Variants in UHRF2 observed in about 807,000 individuals in gnomAD.
UHRF2 encodes the protein E3 ubiquitin-protein ligase UHRF2.
UHRF2 carries 23 observed loss-of-function variants against 96.8 expected under a neutral mutation model. The ratio of observed to expected loss-of-function variants is 0.24; its 90% confidence interval spans 0.17 to 0.34. The LOEUF (loss-of-function observed/expected upper bound fraction) is 0.34, where lower values mean the gene tolerates loss of function less well. UHRF2 is among the 10% of genes least tolerant of loss of function. UHRF2 has a pLI of 1.00. For missense variants in UHRF2, 685 were observed against 981.5 expected (o/e 0.70, Z 4.04); for synonymous variants, 385 against 332.6 (o/e 1.16, Z -1.72).
intron 8 of UHRF2, among the ~76,000 whole-genome samples, chr9:6,485,600 G>A (rs1019854362): frequency 6.7e-6 from 1 of 148,582 alleles, no homozygotes; most frequent in Non-Finnish European, 1.5e-5. Context: ...CTTCTAAAGT[G>A]CCTTTCCACC....
In UHRF2 at chr9:6,506,388, A is replaced by G. The variant is rs1320687695; in HGVS notation, c.*209A>G. 7.7e-6 allele frequency: 4 copies of G among 522,112 alleles called. No individual in the cohort carries two copies. Among genetic ancestry groups the G allele is most frequent in the East Asian group, 3.6e-5 (1 of 27,872 alleles). The allele number at this position is 522,112 out of a possible 1,614,324, so 32.3% of individuals were successfully genotyped here. ...ATATCTAAAGGTAGTTCCTGTAACAACTAGTTTTAATGAGTAAAAAGTCAA... is the reference window on the plus strand; with the variant it reads ...ATATCTAAAGGTAGTTCCTGTAACAGCTAGTTTTAATGAGTAAAAAGTCAA... On this transcript the variant is annotated 3_prime_UTR_variant, in exon 16 of 16. Coordinates refer to ENST00000276893, the MANE Select transcript of UHRF2 (RefSeq NM_152896.3).
At chr9:6,485,785 G>T (rs547310762) in intron 8 of UHRF2, among the ~76,000 whole-genome samples, 6 of 122,720 alleles carry the variant, frequency 4.9e-5, no homozygotes, top group African/African-American at 1.8e-4. Flanking sequence ...GCAACATGGT[G>T]AGACCCCTGT....
chr9:6,496,111 C>T (rs1004190724), intron 10 of UHRF2: 1 of 152,002 alleles, frequency 6.6e-6, no homozygotes, highest in Non-Finnish European at 1.5e-5. Context: ...TAATTATGGT[C>T]AAGACATTTC....
intron 2 of UHRF2, among the ~76,000 whole-genome samples, chr9:6,425,162 C>T (rs1198448565): frequency 6.6e-6 from 1 of 152,286 alleles, no homozygotes; most frequent in South Asian, 2.1e-4. Context: ...ACTTCACTGC[C>T]TTGAGGGCAG....
At chr9:6,491,697 G>C (rs1330880807) in intron 9 of UHRF2, among the ~76,000 whole-genome samples, 1 of 152,158 alleles carries the variant, frequency 6.6e-6, no homozygotes, top group Non-Finnish European at 1.5e-5. Context: ...CTTGGGAGAA[G>C]AATAGAGGTT....
At position 6,413,706 on chromosome 9, in the gene UHRF2, C is replaced by T. The variant is rs945869821; in HGVS notation, c.153+63C>T. On this transcript the variant is annotated intron_variant, in intron 1 of 15. Coordinates refer to ENST00000276893, the MANE Select transcript of UHRF2 (RefSeq NM_152896.3). ...GCCGGAACAGCTGGGCTCCTCTGGACGCACCGGTCCGAGGGCTCTGTGCGC... is the reference window on the plus strand; with the variant it reads ...GCCGGAACAGCTGGGCTCCTCTGGATGCACCGGTCCGAGGGCTCTGTGCGC... 29 of 1,422,154 alleles carry T rather than the reference C, an allele frequency of 2.0e-5. 1 individual carries two copies. Among genetic ancestry groups the T allele is most frequent in the Middle Eastern group, 2.6e-4 (1 of 3,856 alleles). The allele number at this position is 1,422,154 out of a possible 1,614,324, so 88.1% of individuals were successfully genotyped here. A position where few individuals can be genotyped will look rare whatever the true frequency, so the allele number is the denominator to read the frequency against.
At position 6,506,631 on chromosome 9, in the gene UHRF2, AGT is replaced by A. The variant is rs1285026545; in HGVS notation, c.*456_*457del. The A allele has an allele frequency of 3.2e-5, 5 of 153,954 alleles. No homozygotes were observed. Among genetic ancestry groups the A allele is most frequent in the African/African-American group, 9.6e-5 (4 of 41,462 alleles). The allele number at this position is 153,954 out of a possible 1,614,324, so 9.5% of individuals were successfully genotyped here. A position where few individuals can be genotyped will look rare whatever the true frequency, so the allele number is the denominator to read the frequency against. ...TCCTTGGAATGAACACAGCTTCTAAAGTGTGCATATACTTTTTTAACGTCTCT... is the reference window on the plus strand; with the variant it reads ...TCCTTGGAATGAACACAGCTTCTAAAGTGCATATACTTTTTTAACGTCTCT... On this transcript the variant is annotated 3_prime_UTR_variant, in exon 16 of 16. Coordinates refer to ENST00000276893, the MANE Select transcript of UHRF2 (RefSeq NM_152896.3).
chr9:6,442,885 G>C (rs938145425), intron 3 of UHRF2, among the ~76,000 whole-genome samples: 2 of 152,118 alleles, frequency 1.3e-5, no homozygotes, highest in Non-Finnish European at 2.9e-5. Context: ...TAAAACCAAG[G>C]ATTTAACATG....
At chr9:6,494,034 A>C in intron 10 of UHRF2, 102 bp downstream of exon 10, 1 of 992,996 alleles carries the variant, frequency 1.0e-6, no homozygotes, top group Non-Finnish European at 1.5e-6. Flanking sequence ...TCAAACTGGG[A>C]GTTAAAGATC....
intron 3 of UHRF2, among the ~76,000 whole-genome samples, chr9:6,445,476 G>T (rs1821433706): frequency 6.6e-6 from 1 of 152,152 alleles, no homozygotes; most frequent in South Asian, 2.1e-4. Context: ...GGCCAGGCTG[G>T]TCTAGAACTC....
intron 3 of UHRF2, chr9:6,449,289 C>T (rs1161687688): frequency 1.3e-5 from 2 of 152,216 alleles, no homozygotes; most frequent in African/African-American, 4.8e-5. Flanking sequence ...TGTGACAGTG[C>T]TTCTGGATTT....
chr9:6,460,470 T>G, intron 3 of UHRF2, 103 bp from the exon 4 acceptor site: 5 of 973,356 alleles, frequency 5.1e-6, no homozygotes, highest in Non-Finnish European at 6.0e-6. Flanking sequence ...ATTTTACTCT[T>G]TCTCTTAGAT....
At chr9:6,501,748 A>T (rs1485836804) in intron 14 of UHRF2, among the ~76,000 whole-genome samples, 1 of 152,224 alleles carries the variant, frequency 6.6e-6, no homozygotes, top group Admixed American at 6.5e-5. Context: ...GCGTAAGCAG[A>T]GTCTGACTTT....
intron 1 of UHRF2, among the ~76,000 whole-genome samples, chr9:6,419,781 C>T (rs1348119670): frequency 6.6e-6 from 1 of 152,052 alleles, no homozygotes; most frequent in African/African-American, 2.4e-5. Flanking sequence ...CACTCTGTTG[C>T]CCAGACTTGA....
intron 3 of UHRF2, among the ~76,000 whole-genome samples, chr9:6,459,225 G>A (rs1239056687): frequency 1.3e-5 from 2 of 151,986 alleles, no homozygotes; most frequent in African/African-American, 2.4e-5. Flanking sequence ...AAAAAAGAAA[G>A]AAAGAAACTG....
chr9:6,420,263 G>T (rs1358350003), intron 1 of UHRF2, among the ~76,000 whole-genome samples: 1 of 151,708 alleles, frequency 6.6e-6, no homozygotes, highest in Non-Finnish European at 1.5e-5. Context: ...CACCATGTTG[G>T]TCAGCCTGGT....
chr9:6,472,703 T>A (rs1201469923), intron 4 of UHRF2, among the ~76,000 whole-genome samples: 1 of 152,226 alleles, frequency 6.6e-6, no homozygotes, highest in Non-Finnish European at 1.5e-5. Context: ...TTAGCTATAT[T>A]ATAACTAAAA....
intron 3 of UHRF2, among the ~76,000 whole-genome samples, chr9:6,452,084 T>C (rs1396612792): frequency 1.3e-5 from 2 of 152,182 alleles, no homozygotes; most frequent in Non-Finnish European, 2.9e-5. Flanking sequence ...GTTTGCACCT[T>C]ATTTTTTTTA....
chr9:6,427,161 C>T (rs970072388), intron 2 of UHRF2, among the ~76,000 whole-genome samples: 6 of 151,968 alleles, frequency 3.9e-5, no homozygotes, highest in African/African-American at 1.2e-4. Flanking sequence ...AAAAATTGGG[C>T]GTTGTATTGC....
Sources: allele counts gnomAD v4.1 joint callset (sites outside exome capture counted in the v4.1 genomes callset), GRCh38; gene constraint gnomAD v4.1.1; transcripts MANE v1.5; gene names NCBI Gene and HGNC (gene_info 2026-07-23, HGNC 2026-07-21).